Variants in ARMC8 observed in about 807,000 individuals in gnomAD.
The protein encoded by ARMC8 is armadillo repeat-containing protein 8.
A neutral mutation model predicts 99.3 loss-of-function variants in ARMC8; 20 were observed. The observed-to-expected ratio is 0.20, with a 90% CI of 0.14 to 0.29. ARMC8 has a LOEUF of 0.29. ARMC8 is among the 10% of genes least tolerant of loss of function. The pLI is 1.00. For missense variants in ARMC8, 569 were observed against 809.5 expected, an observed-to-expected ratio of 0.70 and a Z score of 3.60; for synonymous variants, 263 against 278.3, an observed-to-expected ratio of 0.95 and a Z score of 0.55.
intron 1 of ARMC8, among the ~76,000 whole-genome samples, chr3:138,208,478 G>C (rs944885755): frequency 6.6e-6 from 1 of 152,166 alleles, no homozygotes; most frequent in African/African-American, 2.4e-5. Flanking sequence ...GGGGAGGGGG[G>C]AAGAAAATAT....
intron 2 of ARMC8, among the ~76,000 whole-genome samples, chr3:138,211,199 A>T (rs2044676519): frequency 6.6e-6 from 1 of 152,232 alleles, no homozygotes; most frequent in Non-Finnish European, 1.5e-5. Flanking sequence ...TTCCTTAGAC[A>T]GATACTCTCC....
At chr3:138,232,136 A>G (rs763092720) in intron 6 of ARMC8, among the ~76,000 whole-genome samples, 4 of 151,118 alleles carry the variant, frequency 2.6e-5, no homozygotes, top group Admixed American at 1.3e-4. Context: ...ATACCTGGCT[A>G]ATTTTCATAT....
At chr3:138,295,774 C>A in intron 21 of ARMC8, 85 bp from the exon 22 acceptor site, 1 of 1,492,196 alleles carries the variant, frequency 6.7e-7, no homozygotes, top group African/African-American at 1.4e-5. Context: ...TTTTAGACTT[C>A]CCCAGCTATC....
chr3:138,271,721 C>T (rs561712423), intron 16 of ARMC8, among the ~76,000 whole-genome samples: 5 of 151,944 alleles, frequency 3.3e-5, no homozygotes, highest in African/African-American at 1.2e-4. Flanking sequence ...AATGTCTTAG[C>T]TCTTTAATTA....
At chr3:138,284,609 T>C in intron 19 of ARMC8, 83 bp downstream of exon 19, 2 of 1,032,572 alleles carry the variant, frequency 1.9e-6, no homozygotes, top group Non-Finnish European at 3.0e-6. Context: ...TGCAGAGATT[T>C]TAAAAAGAGG....
At chr3:138,280,977 T>A (rs2049849488) in intron 18 of ARMC8, among the ~76,000 whole-genome samples, 1 of 152,138 alleles carries the variant, frequency 6.6e-6, no homozygotes, top group Admixed American at 6.5e-5. Flanking sequence ...AGGCAAGGTA[T>A]ATATTTCAAT....
rs991399286 is a variant in ARMC8 at position 138,263,504 on chromosome 3, A to G, written c.1135-235A>G. On this transcript the variant is annotated intron_variant, in intron 12 of 21. Coordinates refer to ENST00000469044, the MANE Select transcript of ARMC8 (RefSeq NM_001363941.2). ...TTTTGTGTTAAATGTCTTTAAAAATAAACAACATAACCTGCCCCTTACGCC... is the reference window on the plus strand; with the variant it reads ...TTTTGTGTTAAATGTCTTTAAAAATGAACAACATAACCTGCCCCTTACGCC... 3 of 535,642 alleles carry G rather than the reference A, an allele frequency of 5.6e-6. No individual in the cohort carries two copies. The African/African-American group carries it at 5.7e-5, about 10-fold the overall frequency. The allele number at this position is 535,642 out of a possible 1,614,324, so 33.2% of individuals were successfully genotyped here.
At chr3:138,278,864 T>C (rs1196010810) in intron 18 of ARMC8, among the ~76,000 whole-genome samples, 1 of 152,216 alleles carries the variant, frequency 6.6e-6, no homozygotes, top group African/African-American at 2.4e-5. Flanking sequence ...TGTTAGTATA[T>C]GGTAATAAAA....
At chr3:138,223,277 A>G in intron 3 of ARMC8, 112 bp from the exon 4 acceptor site, 3 of 918,074 alleles carry the variant, frequency 3.3e-6, no homozygotes, top group South Asian at 1.8e-5. Flanking sequence ...TTGGATTCAT[A>G]TAAACTCAGC....
chr3:138,288,627 T>C (rs1254109827), intron 19 of ARMC8, among the ~76,000 whole-genome samples: 4 of 150,040 alleles, frequency 2.7e-5, no homozygotes, highest in African/African-American at 7.3e-5. Context: ...TGAGGACTCT[T>C]CTTCAGACTT....
chr3:138,290,544 A>G lies in ARMC8; in HGVS notation c.1895-2A>G. ...CCCAGTAACCTGGCTTTAATCGTTT[A>G]GGTTCACAAGAACGCCAGGATAAAT... On this transcript the variant is annotated splice_acceptor_variant, in intron 20 of 21. Transcript: ENST00000469044. LOFTEE classifies it high-confidence loss of function. The G allele has an allele frequency of 6.3e-7, 1 of 1,596,732 alleles. No homozygotes were observed. The highest frequency in any genetic ancestry group is 8.5e-7 in the Non-Finnish European group (1 of 1,171,318).
At chr3:138,262,068 T>C (rs1199923527) in intron 12 of ARMC8, 1 of 153,198 alleles carries the variant, frequency 6.5e-6, no homozygotes, top group East Asian at 1.9e-4. Context: ...GTTTGGTGGT[T>C]TTTCTAGAGC....
intron 1 of ARMC8, among the ~76,000 whole-genome samples, chr3:138,195,131 A>G (rs1306265920): frequency 6.6e-6 from 1 of 152,036 alleles, no homozygotes; most frequent in Non-Finnish European, 1.5e-5. Context: ...CAAAAAAATT[A>G]GCCAGGCATG....
intron 21 of ARMC8, among the ~76,000 whole-genome samples, chr3:138,294,648 G>C (rs1201202596): frequency 6.6e-6 from 1 of 152,144 alleles, no homozygotes; most frequent in South Asian, 2.1e-4. Flanking sequence ...GTATTAGTTT[G>C]ATCAGCTATT....
intron 2 of ARMC8, among the ~76,000 whole-genome samples, chr3:138,213,443 C>T (rs1247161304): frequency 6.6e-6 from 1 of 152,146 alleles, no homozygotes; most frequent in African/African-American, 2.4e-5. Context: ...GGTTTGAATA[C>T]AAAATCAGGT....
At chr3:138,239,408 A>G (rs2046492944) in intron 9 of ARMC8, 60 bp from the exon 10 acceptor site, 1 of 1,286,378 alleles carries the variant, frequency 7.8e-7, no homozygotes, top group Admixed American at 2.2e-5. Context: ...AAGGCAAATA[A>G]TTTTTCATTT....
Position 138,263,802 on chromosome 3 carries a change from G to A in ARMC8, c.1198G>A (p.Val400Met). Residue 400 changes from valine (V) to methionine (M), a missense_variant, in exon 13 of 22, where the codon GTG becomes ATG. Val to Met is a conservative substitution (Grantham distance 21). Transcript: ENST00000469044. ...TGGCTTGTCTGAGTCTAGTGTCAAG[G>A]TGCGGTTAGCTGCCGTCAGGTATGA... ...VTGLSESSVK[V>M]RLAAVRCLHS... is the part of the protein sequence containing the mutation. The A allele has an allele frequency of 6.2e-7, 1 of 1,614,032 alleles. No individual in the cohort carries two copies. The highest frequency in any genetic ancestry group is 8.5e-7 in the Non-Finnish European group (1 of 1,179,882).
intron 2 of ARMC8, among the ~76,000 whole-genome samples, chr3:138,220,910 G>C (rs1323426643): frequency 2.0e-5 from 3 of 151,966 alleles, no homozygotes; most frequent in African/African-American, 7.2e-5. Flanking sequence ...GTCTGATCTT[G>C]AACTCCTGAG....
At chr3:138,241,110 A>G (rs1269053196) in intron 10 of ARMC8, among the ~76,000 whole-genome samples, 2 of 152,260 alleles carry the variant, frequency 1.3e-5, no homozygotes, top group Admixed American at 6.5e-5. Flanking sequence ...CCTAATGTAG[A>G]TAAGTTACCA....
Sources: gnomAD v4.1 joint callset for allele counts (sites outside exome capture counted in the v4.1 genomes callset) on GRCh38, gnomAD v4.1.1 for gene constraint, MANE v1.5 for transcripts, NCBI Gene and HGNC (gene_info 2026-07-23, HGNC 2026-07-21) for gene names.